The following KMT2C variants were observed in gnomAD, a reference collection of about 807,000 sequenced individuals.
The protein encoded by KMT2C is histone-lysine N-methyltransferase 2C.
Under a neutral mutation model 507.9 loss-of-function variants are expected in KMT2C, and 88 were observed. That is an observed-to-expected ratio of 0.17 (90% confidence interval 0.15 to 0.21). The LOEUF (loss-of-function observed/expected upper bound fraction) is 0.21. Among genes scored for constraint, KMT2C ranks in the 10% least tolerant of loss-of-function variants. The pLI, the probability that KMT2C is intolerant of heterozygous loss-of-function variation, is 1.00. For synonymous variants in KMT2C, 2,049 were observed against 2,080.8 expected (o/e 0.98, Z 0.42); for missense variants, 4,954 against 5,957.8 (o/e 0.83, Z 5.55).
intron 24 of KMT2C, among the ~76,000 whole-genome samples, chr7:152,206,455 G>T (rs1042971393): frequency 1.3e-5 from 2 of 152,040 alleles, no homozygotes; most frequent in African/African-American, 4.8e-5. Flanking sequence ...TAAAAGATAG[G>T]TTATCTTTTA....
chr7:152,314,602 T>C (rs1360693468), intron 4 of KMT2C, among the ~76,000 whole-genome samples: 1 of 151,940 alleles, frequency 6.6e-6, no homozygotes, highest in African/African-American at 2.4e-5. Flanking sequence ...GGGAAGAATG[T>C]ATAGGACAGT....
intron 2 of KMT2C, among the ~76,000 whole-genome samples, chr7:152,341,889 A>G (rs1351032133): frequency 1.3e-5 from 2 of 152,218 alleles, no homozygotes; most frequent in African/African-American, 4.8e-5. Flanking sequence ...TACAAACAAT[A>G]ATTTGGGGTG....
At chr7:152,416,779 C>T (rs1045768133) in intron 1 of KMT2C, among the ~76,000 whole-genome samples, 8 of 149,144 alleles carry the variant, frequency 5.4e-5, no homozygotes, top group South Asian at 2.1e-4. Flanking sequence ...AAGCCGGGCA[C>T]GGTGGCTCAC....
Position 152,162,820 on chromosome 7 carries a change from G to A in KMT2C, c.10757C>T (p.Thr3586Ile), listed in dbSNP as rs529827871. 5 of 1,614,168 alleles carry A rather than the reference G, an allele frequency of 3.1e-6. No homozygotes were observed. The highest frequency in any genetic ancestry group is 1.1e-5 in the South Asian group (1 of 91,082). ...ITHGHSYPGS[T>I]QSLIQLYSDI... ...AGAATACAACTGAATGAGCGATTGG[G>A]TTGATCCCGGATAACTGTGTCCATG... is the stretch of plus-strand genomic sequence containing the variant. The change falls in exon 43 of 59, where the codon ACC becomes ATC. Residue 3586 changes from threonine (T) to isoleucine (I), a missense_variant. Physicochemically the swap from Thr to Ile is moderately conservative, Grantham distance 89. Around this residue, in one of 29 missense-constraint regions of KMT2C, gnomAD observed 801 missense variants for 751.2 expected, o/e 1.07. Coordinates refer to ENST00000262189, the MANE Select transcript of KMT2C (RefSeq NM_170606.3).
intron 1 of KMT2C, among the ~76,000 whole-genome samples, chr7:152,422,747 G>C (rs567433901): frequency 9.2e-5 from 14 of 152,268 alleles, no homozygotes; most frequent in African/African-American, 3.1e-4. Context: ...TTCCCAACCA[G>C]GCGCAGTGGC....
rs1340817344 is a variant in KMT2C, at chr7:152,248,303, G to A, written c.2131C>T (p.Pro711Ser). ...SPHEESISLC[P>S]EEQLVIERLQ... The stretch of plus-strand genomic sequence containing the variant: ...CTTTCTATAACCAACTGTTCCTCAG[G>A]ACATAATGAAATACTTTCCTCATGT... Residue 711 changes from proline to serine, a missense_variant, in exon 14 of 59, where the codon CCT becomes TCT. This residue lies in a region of KMT2C where 376 missense variants were observed against 352.4 expected (regional missense o/e 1.07). Coordinates refer to ENST00000262189, the MANE Select transcript of KMT2C (RefSeq NM_170606.3). 2.5e-6 allele frequency: 4 copies of A among 1,613,628 alleles called. No individual in the cohort carries two copies. Among genetic ancestry groups the A allele is most frequent in the South Asian group, 1.1e-5 (1 of 91,062 alleles).
chr7:152,195,363 T>C (rs895805156), intron 28 of KMT2C, among the ~76,000 whole-genome samples: 18 of 152,226 alleles, frequency 1.2e-4, no homozygotes, highest in African/African-American at 4.3e-4. Flanking sequence ...AGCTATACTA[T>C]GCTTTAGCCA....
chr7:152,238,948 A>T (rs1475223425), intron 14 of KMT2C, 122 bp from the exon 15 acceptor site: 10 of 982,018 alleles, frequency 1.0e-5, no homozygotes, highest in Non-Finnish European at 1.4e-5. Context: ...TTTAGGACAA[A>T]TTGCTTCAAG....
At position 152,163,241 on chromosome 7, in the gene KMT2C, T is replaced by G. The variant is rs902827242; in HGVS notation, c.10336A>C (p.Thr3446Pro). ...TAGAAGGGAATCTGGGACACAGATG[T>G]CCTACTACTACTTATCTCAGAGCCC... is the stretch of plus-strand genomic sequence containing the variant. Reference protein sequence around the residue: ...MVGSEISSSRTSVSQIPFYSS... With the variant: ...MVGSEISSSRPSVSQIPFYSS... Residue 3446 changes from threonine to proline, a missense_variant, in exon 43 of 59, where the codon ACA (threonine) becomes CCA (proline). By Grantham distance (38) the Thr-to-Pro change is conservative. Coordinates refer to ENST00000262189, the MANE Select transcript of KMT2C (RefSeq NM_170606.3). 4 of 1,614,132 alleles carry G rather than the reference T, an allele frequency of 2.5e-6. No individual in the cohort carries two copies. The highest frequency in any genetic ancestry group is 3.4e-6 in the Non-Finnish European group (4 of 1,179,972).
At position 152,330,622 on chromosome 7, in the gene KMT2C, A is replaced by G. The variant is rs1333889327; in HGVS notation, c.368T>C (p.Val123Ala). 1 of 1,614,164 alleles carries G rather than the reference A, an allele frequency of 6.2e-7. No individual in the cohort carries two copies. The highest frequency in any genetic ancestry group is 1.1e-5 in the South Asian group (1 of 91,082). ...SEESANSLVSVGVEAKISEQL... is the reference protein window; with the variant it reads ...SEESANSLVSAGVEAKISEQL... The stretch of plus-strand genomic sequence containing the variant: ...TAACCTGATTTTGGCTTCTACACCA[A>G]CAGAGACCAGGGAGTTTGCCGATTC... The change falls in exon 3 of 59, where the codon GTT (valine) becomes GCT (alanine). Residue 123 changes from valine (V) to alanine (A), a missense_variant. Val to Ala is a moderately conservative substitution (Grantham distance 64, BLOSUM62 0). Around this residue, in one of 29 missense-constraint regions of KMT2C, gnomAD observed 233 missense variants for 263.6 expected, o/e 0.88. Coordinates refer to ENST00000262189, the MANE Select transcript of KMT2C (RefSeq NM_170606.3).
chr7:152,368,191 G>C (rs2097262910), intron 1 of KMT2C: 2 of 900,208 alleles, frequency 2.2e-6, no homozygotes. Context: ...TGAACATTGT[G>C]ATTTTACAAT....
At chr7:152,234,332 A>C (rs562938731) in intron 16 of KMT2C, among the ~76,000 whole-genome samples, 30 of 152,234 alleles carry the variant, frequency 2.0e-4, no homozygotes, top group African/African-American at 7.2e-4. Flanking sequence ...GCATGAGCTG[A>C]GATTGTGCCA....
intron 2 of KMT2C, among the ~76,000 whole-genome samples, chr7:152,356,021 G>A (rs1413193716): frequency 6.6e-6 from 1 of 151,926 alleles, no homozygotes; most frequent in Non-Finnish European, 1.5e-5. Context: ...CATGAGAGGG[G>A]ACACAATGGA....
intron 6 of KMT2C, among the ~76,000 whole-genome samples, chr7:152,297,162 T>C (rs1329305166): frequency 1.3e-5 from 2 of 151,914 alleles, no homozygotes; most frequent in Non-Finnish European, 2.9e-5. Flanking sequence ...CAAAGGACTG[T>C]AGAGCTTTGA....
At chr7:152,176,166 C>A (rs549228146) in intron 38 of KMT2C, 25 bp downstream of exon 38, 2 of 1,559,662 alleles carry the variant, frequency 1.3e-6, no homozygotes, top group African/African-American at 1.4e-5. Context: ...TAGTAATATA[C>A]GTTGAGACTC....
chr7:152,224,505 T>A lies in KMT2C; in HGVS notation c.3088A>T (p.Ile1030Leu). The change falls in exon 19 of 59, where the codon ATA becomes TTA. Residue 1030 changes from isoleucine to leucine, a missense_variant. Ile to Leu is a conservative substitution (Grantham distance 5). Around this residue, in one of 29 missense-constraint regions of KMT2C, gnomAD observed 52 missense variants for 162.4 expected, o/e 0.32. Transcript: ENST00000262189. Reference protein sequence around the residue: ...GRLLLCDDCDISYHTYCLDPP... With the variant: ...GRLLLCDDCDLSYHTYCLDPP... Reference sequence around the variant, plus strand: ...TCTAGGCAGTAGGTGTGATAACTTATGTCACAGTCATCACACAGCAGGAGT... The same window carrying A: ...TCTAGGCAGTAGGTGTGATAACTTAAGTCACAGTCATCACACAGCAGGAGT... The A allele has an allele frequency of 6.2e-7, 1 of 1,611,962 alleles. No individual in the cohort carries two copies. Among genetic ancestry groups the A allele is most frequent in the Non-Finnish European group, 8.5e-7 (1 of 1,179,814 alleles).
chr7:152,178,312 G>A (rs2129116400), intron 37 of KMT2C, among the ~76,000 whole-genome samples: 1 of 152,250 alleles, frequency 6.6e-6, no homozygotes, highest in Non-Finnish European at 1.5e-5. Flanking sequence ...CAATTGTTCA[G>A]AGATAAGAAC....
At position 152,179,973 on chromosome 7, in the gene KMT2C, G is replaced by T. The variant is rs1237382441; in HGVS notation, c.7303C>A (p.Pro2435Thr). Residue 2435 changes from proline (P) to threonine (T), a missense_variant, in exon 37 of 59, where the codon CCC becomes ACC. By Grantham distance (38) the Pro-to-Thr change is conservative. Around this residue, in one of 29 missense-constraint regions of KMT2C, gnomAD observed 1,689 missense variants for 1,654.3 expected, o/e 1.02. Coordinates refer to ENST00000262189, the MANE Select transcript of KMT2C (RefSeq NM_170606.3). Reference sequence around the variant, plus strand: ...ATGTTCCCAGGATAGGGAGGTGGGGGTCTGGTGAAAGCCTGGTTAACATTC... The same window carrying T: ...ATGTTCCCAGGATAGGGAGGTGGGGTTCTGGTGAAAGCCTGGTTAACATTC... Reference protein sequence around the residue: ...PENVNQAFTRPPPPYPGNIRS... With the variant: ...PENVNQAFTRTPPPYPGNIRS... 1 of 1,614,156 alleles carries T rather than the reference G, an allele frequency of 6.2e-7. No homozygotes were observed. Among genetic ancestry groups the T allele is most frequent in the African/African-American group, 1.3e-5 (1 of 75,026 alleles).
chr7:152,427,962 C>T (rs1280016511), intron 1 of KMT2C, among the ~76,000 whole-genome samples: 2 of 152,152 alleles, frequency 1.3e-5, no homozygotes, highest in Non-Finnish European at 2.9e-5. Flanking sequence ...TCTCACACTA[C>T]AACTATTGTA....
Sources: allele counts gnomAD v4.1 joint callset (sites outside exome capture counted in the v4.1 genomes callset), GRCh38; gene constraint gnomAD v4.1.1; regional missense constraint gnomAD v4.1.1; transcripts MANE v1.5; gene names NCBI Gene and HGNC (gene_info 2026-07-23, HGNC 2026-07-21).